Variants in NKAIN3 observed in about 807,000 individuals in gnomAD.
NKAIN3 encodes sodium/potassium-transporting ATPase subunit beta-1-interacting protein 3.
A neutral mutation model predicts 30.2 loss-of-function variants in NKAIN3; 25 were observed. The ratio of observed to expected loss-of-function variants is 0.83; its 90% confidence interval spans 0.60 to 1.16. The LOEUF (loss-of-function observed/expected upper bound fraction) is 1.16, where lower values mean the gene tolerates loss of function less well. Ranked by LOEUF, NKAIN3 falls within the 50% of genes most tolerant of loss-of-function variation. NKAIN3 has a pLI of 0.00. For synonymous variants in NKAIN3, 91 were observed against 89.6 expected (o/e 1.02, Z -0.09); for missense variants, 225 against 254.1 (o/e 0.89, Z 0.78).
At chr8:62,906,754 T>C (rs1821790950) in intron 4 of NKAIN3, among the ~76,000 whole-genome samples, 1 of 152,198 alleles carries the variant, frequency 6.6e-6, no homozygotes. Flanking sequence ...CCTTCTGCCA[T>C]TATTGTGAGG....
intron 1 of NKAIN3, among the ~76,000 whole-genome samples, chr8:62,502,711 T>A (rs140143665): frequency 5.3e-5 from 8 of 152,214 alleles, no homozygotes; most frequent in Non-Finnish European, 1.2e-4. Context: ...ATTTGTATTG[T>A]ATATACCAGT....
chr8:62,556,753 T>C lies in NKAIN3; in HGVS notation c.55-22786T>C, dbSNP rs190831601. Among the ~76,000 whole-genome samples, 1,512 of 152,058 alleles carry C rather than the reference T, an allele frequency of 9.9e-3. 14 individuals are homozygous for C. The highest frequency in any genetic ancestry group is 0.017 in the Non-Finnish European group (1,122 of 67,906). On this transcript the variant is annotated intron_variant, in intron 1 of 6. Coordinates refer to ENST00000623646, the MANE Select transcript of NKAIN3 (RefSeq NM_001304533.3). ...AAAAAGTATAGCCATTTTGAACTTATATTAATCTAAAAAGTGGCATCAAAT... is the reference window on the plus strand; with the variant it reads ...AAAAAGTATAGCCATTTTGAACTTACATTAATCTAAAAAGTGGCATCAAAT...
At chr8:62,708,167 C>T (rs1212989638) in intron 3 of NKAIN3, among the ~76,000 whole-genome samples, 1 of 152,096 alleles carries the variant, frequency 6.6e-6, no homozygotes, top group Non-Finnish European at 1.5e-5. Flanking sequence ...GTGATGCCTC[C>T]AGATTTGTTC....
At chr8:62,335,449 A>G (rs1014036280) in intron 1 of NKAIN3, among the ~76,000 whole-genome samples, 5 of 148,688 alleles carry the variant, frequency 3.4e-5, no homozygotes, top group East Asian at 3.9e-4. Flanking sequence ...AAAAAAAAAA[A>G]AAGAAAGAAA....
intron 3 of NKAIN3, among the ~76,000 whole-genome samples, chr8:62,738,015 C>T (rs774492066): frequency 1.4e-4 from 21 of 151,982 alleles, no homozygotes; most frequent in Non-Finnish European, 2.2e-4. Flanking sequence ...ATTTATAATC[C>T]TTTAGGTATA....
intron 4 of NKAIN3, among the ~76,000 whole-genome samples, chr8:62,908,403 G>A (rs968081221): frequency 1.3e-5 from 2 of 152,198 alleles, no homozygotes; most frequent in African/African-American, 4.8e-5. Flanking sequence ...CAGTTGGGAA[G>A]GCATGATTCA....
At chr8:62,885,595 C>T (rs1821122568) in intron 4 of NKAIN3, among the ~76,000 whole-genome samples, 2 of 152,182 alleles carry the variant, frequency 1.3e-5, no homozygotes, top group Non-Finnish European at 2.9e-5. Flanking sequence ...TCTCCAAGTA[C>T]AATAGTGGAT....
At chr8:62,505,057 C>G (rs1480816045) in intron 1 of NKAIN3, among the ~76,000 whole-genome samples, 1 of 152,070 alleles carries the variant, frequency 6.6e-6, no homozygotes, top group Non-Finnish European at 1.5e-5. Context: ...CCTTTGAAAT[C>G]AGACTAGATA....
intron 4 of NKAIN3, among the ~76,000 whole-genome samples, chr8:62,861,349 C>T: frequency 6.6e-6 from 1 of 152,180 alleles, no homozygotes. Flanking sequence ...TTATCAATGC[C>T]TCAAAAGCTT....
chr8:62,950,274 C>A (rs1382836165), intron 5 of NKAIN3, among the ~76,000 whole-genome samples: 4 of 152,084 alleles, frequency 2.6e-5, no homozygotes, highest in African/African-American at 9.7e-5. Context: ...TTAATTTGCC[C>A]CTTTACTTGA....
chr8:62,414,437 A>T (rs1482992164), intron 1 of NKAIN3, among the ~76,000 whole-genome samples: 2 of 152,184 alleles, frequency 1.3e-5, no homozygotes, highest in Non-Finnish European at 1.5e-5. Context: ...TGTTCTTTTG[A>T]TGCTTTGTTT....
chr8:62,926,981 C>A (rs183962936), intron 5 of NKAIN3, among the ~76,000 whole-genome samples: 2 of 152,286 alleles, frequency 1.3e-5, no homozygotes, highest in East Asian at 3.9e-4. Flanking sequence ...TCCACTAGGT[C>A]TTTTCCCTTC....
chr8:62,249,201 T>C, intron 1 of NKAIN3, 74 bp downstream of exon 1: 1 of 1,281,068 alleles, frequency 7.8e-7, no homozygotes, highest in Non-Finnish European at 1.1e-6. Flanking sequence ...CCCTCTGCGG[T>C]TCCGCAGCTC....
At position 62,559,975 on chromosome 8, in the gene NKAIN3, T is replaced by C. The variant is rs556313420; in HGVS notation, c.55-19564T>C. ...GGCAACAAATTTTGTCAAGAACAAG[T>C]TTTTCTTTATCTGAGACTGTCCTGA... On this transcript the variant is annotated intron_variant, in intron 1 of 6. Coordinates refer to ENST00000623646, the MANE Select transcript of NKAIN3 (RefSeq NM_001304533.3). Among the ~76,000 whole-genome samples the C allele has an allele frequency of 3.5e-4, 53 of 152,212 alleles. No homozygotes were observed. In the South Asian group the frequency reaches 0.011, roughly 32 times the overall value.
chr8:62,897,140 G>A (rs1821452397), intron 4 of NKAIN3, among the ~76,000 whole-genome samples: 1 of 152,162 alleles, frequency 6.6e-6, no homozygotes, highest in African/African-American at 2.4e-5. Flanking sequence ...AAGGAACACT[G>A]CAGAGGGGTT....
intron 1 of NKAIN3, among the ~76,000 whole-genome samples, chr8:62,506,798 T>G (rs1807659958): frequency 6.6e-6 from 1 of 152,064 alleles, no homozygotes; most frequent in African/African-American, 2.4e-5. Context: ...AAGGTTAGAC[T>G]TTGGAATTAA....
intron 1 of NKAIN3, among the ~76,000 whole-genome samples, chr8:62,390,325 C>T (rs1817553245): frequency 6.6e-6 from 1 of 152,110 alleles, no homozygotes. Flanking sequence ...CATTAATTTG[C>T]TAAGGATAAT....
At chr8:62,464,643 A>G (rs1806098344) in intron 1 of NKAIN3, among the ~76,000 whole-genome samples, 1 of 152,198 alleles carries the variant, frequency 6.6e-6, no homozygotes, top group Non-Finnish European at 1.5e-5. Context: ...TAATGTAAGA[A>G]AAGTCTCCCG....
intron 3 of NKAIN3, among the ~76,000 whole-genome samples, chr8:62,656,682 T>C (rs1297142188): frequency 6.6e-6 from 1 of 152,182 alleles, no homozygotes; most frequent in African/African-American, 2.4e-5. Flanking sequence ...GTTTGTTTTA[T>C]GGTTGGTTAC....
Sources: allele counts gnomAD v4.1 joint callset (sites outside exome capture counted in the v4.1 genomes callset), GRCh38; gene constraint gnomAD v4.1.1; transcripts MANE v1.5; gene names NCBI Gene and HGNC (gene_info 2026-07-23, HGNC 2026-07-21).